The following TRPC4 variants were observed in gnomAD, a reference collection of about 807,000 sequenced individuals.
TRPC4 encodes transient receptor potential cation channel subfamily C member 4, also known as short transient receptor potential channel 4.
In TRPC4, 49 loss-of-function variants were observed where a neutral mutation model predicts 99.4. The ratio of observed to expected loss-of-function variants is 0.49; its 90% CI spans 0.39 to 0.63. TRPC4 has a LOEUF of 0.63. Among genes scored for constraint, TRPC4 ranks in the 20% least tolerant of loss-of-function variants. The pLI is 0.00. For synonymous variants in TRPC4, 454 were observed against 425.9 expected, an observed-to-expected ratio of 1.07 and a Z score of -0.81; for missense variants, 898 against 1,152.9, an observed-to-expected ratio of 0.78 and a Z score of 3.20.
chr13:37,716,481 G>A (rs1261940809), intron 3 of TRPC4, among the ~76,000 whole-genome samples: 2 of 152,186 alleles, frequency 1.3e-5, no homozygotes, highest in Non-Finnish European at 2.9e-5. Context: ...CATGAAGAGA[G>A]CACTGGCTTT....
chr13:37,853,076 G>A (rs773864053), intron 1 of TRPC4, among the ~76,000 whole-genome samples: 13 of 151,862 alleles, frequency 8.6e-5, no homozygotes, highest in African/African-American at 1.2e-4. Context: ...CTGGCCTGCC[G>A]ATTGCGGAGG....
intron 8 of TRPC4, among the ~76,000 whole-genome samples, chr13:37,642,791 A>G (rs1261654379): frequency 6.7e-6 from 1 of 148,364 alleles, no homozygotes; most frequent in Non-Finnish European, 1.5e-5. Flanking sequence ...TGTGGAGTGC[A>G]ATGATCTCGG....
chr13:37,766,624 T>C (rs1956377368), intron 2 of TRPC4, among the ~76,000 whole-genome samples: 1 of 151,362 alleles, frequency 6.6e-6, no homozygotes, highest in South Asian at 2.1e-4. Flanking sequence ...GAGATACATG[T>C]GTAGGGTAGG....
At chr13:37,711,764 G>T (rs1368270345) in intron 3 of TRPC4, among the ~76,000 whole-genome samples, 2 of 151,976 alleles carry the variant, frequency 1.3e-5, no homozygotes, top group Non-Finnish European at 2.9e-5. Context: ...GTCTGGTACA[G>T]TGCTGTCCCC....
intron 1 of TRPC4, among the ~76,000 whole-genome samples, chr13:37,786,106 G>A (rs1808450622): frequency 6.6e-6 from 1 of 151,942 alleles, no homozygotes. Context: ...GAAAGCATTG[G>A]TGCTGAGAAA....
intron 2 of TRPC4, among the ~76,000 whole-genome samples, chr13:37,777,463 C>A (rs1956738258): frequency 6.6e-6 from 1 of 151,834 alleles, no homozygotes; most frequent in Non-Finnish European, 1.5e-5. Flanking sequence ...TGGTACTAAA[C>A]CATTAGAAAT....
At chr13:37,758,960 T>G (rs1179187364) in intron 2 of TRPC4, among the ~76,000 whole-genome samples, 1 of 151,658 alleles carries the variant, frequency 6.6e-6, no homozygotes, top group Non-Finnish European at 1.5e-5. Flanking sequence ...CATTAGAATA[T>G]TTTTGTTTAT....
chr13:37,838,208 C>T (rs1958622136), intron 1 of TRPC4, among the ~76,000 whole-genome samples: 1 of 152,186 alleles, frequency 6.6e-6, no homozygotes, highest in Non-Finnish European at 1.5e-5. Flanking sequence ...CATGGAAATA[C>T]TGCAACATTA....
rs144291049 is a variant in TRPC4 at position 37,855,337 on chromosome 13, G to GGTAT, written c.-28+14257_-28+14258insATAC. On this transcript the variant is annotated intron_variant, in intron 1 of 10. Coordinates refer to ENST00000379705, the MANE Select transcript of TRPC4 (RefSeq NM_016179.4). ...TACACATGTAGATATATACAATGTA[G>GGTAT]ATATATATATATATATATATGCACC... Among the ~76,000 whole-genome samples, 13 of 136,590 alleles carry GGTAT rather than the reference G, an allele frequency of 9.5e-5. No homozygotes were observed. In the East Asian group the frequency reaches 2.5e-3, roughly 26 times the overall value. 89.6% of individuals were successfully genotyped at this position (136,590 alleles called of 152,430 possible). A position where few individuals can be genotyped will look rare whatever the true frequency, so the allele number is the denominator to read the frequency against.
At chr13:37,660,172 A>T (rs1025614855) in intron 6 of TRPC4, among the ~76,000 whole-genome samples, 14 of 152,202 alleles carry the variant, frequency 9.2e-5, no homozygotes, top group African/African-American at 3.4e-4. Context: ...AAAATAAAAA[A>T]TTATCAGAGT....
chr13:37,696,017 AC>A (rs1407242574), intron 3 of TRPC4, among the ~76,000 whole-genome samples: 4 of 152,222 alleles, frequency 2.6e-5, no homozygotes, highest in Admixed American at 2.6e-4. Context: ...ATAAAGACAT[AC>A]CCGAAACTGG....
intron 3 of TRPC4, among the ~76,000 whole-genome samples, chr13:37,736,135 G>A (rs1270759998): frequency 6.6e-6 from 1 of 152,164 alleles, no homozygotes; most frequent in Non-Finnish European, 1.5e-5. Context: ...CTTGTCATAG[G>A]TTCCTGAGCC....
Position 37,825,329 on chromosome 13 carries a change from T to C in TRPC4, c.-27-41969A>G, listed in dbSNP as rs1186043949. ...CCTTCTGCTAGCTTTTGAATGTGTT[T>C]GCTCTTGCTTTTCTAGTTCTTTTAA... On this transcript the variant is annotated intron_variant, in intron 1 of 10. Transcript: ENST00000379705. Among the ~76,000 whole-genome samples the C allele has an allele frequency of 3.3e-5, 5 of 149,858 alleles. No individual in the cohort carries two copies. The East Asian group carries it at 8.1e-4, about 24-fold the overall frequency.
chr13:37,796,810 A>G (rs188577378), intron 1 of TRPC4, among the ~76,000 whole-genome samples: 1 of 151,608 alleles, frequency 6.6e-6, no homozygotes, highest in African/African-American at 2.4e-5. Flanking sequence ...AAAAGACTTA[A>G]GGGCTGGGTC....
intron 1 of TRPC4, among the ~76,000 whole-genome samples, chr13:37,786,471 C>A (rs1349587229): frequency 6.6e-6 from 1 of 151,770 alleles, no homozygotes; most frequent in Non-Finnish European, 1.5e-5. Context: ...AACTGGAGGA[C>A]AAAAACAATA....
intron 1 of TRPC4, among the ~76,000 whole-genome samples, chr13:37,862,499 T>C (rs1338471714): frequency 6.6e-6 from 1 of 151,646 alleles, no homozygotes; most frequent in Non-Finnish European, 1.5e-5. Flanking sequence ...AAAAAGGATA[T>C]ATTTAGATTG....
At chr13:37,825,005 G>A (rs1004057754) in intron 1 of TRPC4, among the ~76,000 whole-genome samples, 1 of 151,978 alleles carries the variant, frequency 6.6e-6, no homozygotes, top group African/African-American at 2.4e-5. Context: ...TCTTGGGAGA[G>A]TGTATGTGTC....
rs375741140 is a variant in TRPC4 at position 37,755,275 on chromosome 13, A to T, written c.379-8820T>A. Among the ~76,000 whole-genome samples the T allele has an allele frequency of 9.9e-5, 15 of 151,760 alleles. 1 individual carries two copies. Among genetic ancestry groups the T allele is most frequent in the East Asian group, 7.8e-4 (4 of 5,134 alleles). On this transcript the variant is annotated intron_variant, in intron 2 of 10. Coordinates refer to ENST00000379705, the MANE Select transcript of TRPC4 (RefSeq NM_016179.4). ...TCCTAACCTGGCTCTTTAAAAAAAA[A>T]AAAAGAAGAAATAGGGTCTCACTCT...
At position 37,860,344 on chromosome 13, in the gene TRPC4, G is replaced by A. The variant is rs886498449; in HGVS notation, c.-28+9251C>T. Among the ~76,000 whole-genome samples, 15 of 151,088 alleles carry A rather than the reference G, an allele frequency of 9.9e-5. 1 individual carries two copies. Among genetic ancestry groups the A allele is most frequent in the Admixed American group, 2.6e-4 (4 of 15,124 alleles). On this transcript the variant is annotated intron_variant, in intron 1 of 10. Transcript: ENST00000379705. ...AGTGTAAAACACTCAAACCCACCAC[G>A]AATCATGTAATGATATTATCTTCAT... is the stretch of plus-strand genomic sequence containing the variant.
Sources: gnomAD v4.1 joint callset for allele counts (sites outside exome capture counted in the v4.1 genomes callset) on GRCh38, gnomAD v4.1.1 for gene constraint, MANE v1.5 for transcripts, NCBI Gene and HGNC (gene_info 2026-07-23, HGNC 2026-07-21) for gene names.